The following SPEN variants were observed in gnomAD, a reference collection of about 807,000 sequenced individuals.
SPEN encodes the protein spen family transcriptional repressor.
SPEN carries 18 observed loss-of-function variants against 269.9 expected under a neutral mutation model. That is an observed-to-expected ratio of 0.07 (90% confidence interval 0.05 to 0.10). The LOEUF (loss-of-function observed/expected upper bound fraction) is 0.10, where lower values mean the gene tolerates loss of function less well. SPEN is among the 10% of genes least tolerant of loss of function. The pLI is 1.00. For synonymous variants in SPEN, 1,726 were observed against 1,765.7 expected, an observed-to-expected ratio of 0.98 and a Z score of 0.56; for missense variants, 3,822 against 4,631.2, an observed-to-expected ratio of 0.83 and a Z score of 5.07.
Position 15,907,601 on chromosome 1 carries a change from G to A in SPEN, c.882-1720G>A, listed in dbSNP as rs550250266. The stretch of plus-strand genomic sequence containing the variant: ...CTAGTGCAAAGACAGAAACTACCCT[G>A]GGTCTTTTCCTGTAGCTAGTGTGCT... On this transcript the variant is annotated intron_variant, in intron 3 of 14. Coordinates refer to ENST00000375759, the MANE Select transcript of SPEN (RefSeq NM_015001.3). Among the ~76,000 whole-genome samples the A allele has an allele frequency of 1.6e-3, 250 of 152,260 alleles. 2 individuals are homozygous for A. The highest frequency in any genetic ancestry group is 4.2e-3 in the East Asian group (22 of 5,192).
At chr1:15,879,302 G>C (rs982860344) in intron 3 of SPEN, among the ~76,000 whole-genome samples, 1 of 152,002 alleles carries the variant, frequency 6.6e-6, no homozygotes, top group African/African-American at 2.4e-5. Context: ...GATAGCTAGA[G>C]GAGAATGATG....
Position 15,931,996 on chromosome 1 carries a change from C to G in SPEN, c.5756C>G (p.Pro1919Arg), listed in dbSNP as rs755466184. The G allele has an allele frequency of 8.1e-6, 13 of 1,614,118 alleles. No individual in the cohort carries two copies. Among genetic ancestry groups the G allele is most frequent in the Non-Finnish European group, 1.1e-5 (13 of 1,180,056 alleles). The change falls in exon 11 of 15, where the codon CCT (proline) becomes CGT (arginine). Residue 1919 changes from proline (P) to arginine (R), a missense_variant. Physicochemically the swap from Pro to Arg is moderately radical, Grantham distance 103. Coordinates refer to ENST00000375759, the MANE Select transcript of SPEN (RefSeq NM_015001.3). The surrounding 1 kb of genome is among the most constrained non-coding windows in gnomAD (Gnocchi z 4.8). Reference protein sequence around the residue: ...ATMGDHENRSPVKEPVEQPRV... With the variant: ...ATMGDHENRSRVKEPVEQPRV... ...ATGGGTGACCATGAAAACCGCTCTCCTGTCAAAGAGCCCGTTGAGCAACCA... is the reference window on the plus strand; with the variant it reads ...ATGGGTGACCATGAAAACCGCTCTCGTGTCAAAGAGCCCGTTGAGCAACCA...
Position 15,864,820 on chromosome 1 carries a change from C to G in SPEN, c.84-7996C>G, listed in dbSNP as rs116234436. The stretch of plus-strand genomic sequence containing the variant: ...ACCTCTTGAGTAGCTAGGACTACTA[C>G]TAAGTGCCAACACACCTGGCTAATG... On this transcript the variant is annotated intron_variant, in intron 1 of 14. Coordinates refer to ENST00000375759, the MANE Select transcript of SPEN (RefSeq NM_015001.3). 1.8e-3 allele frequency among the ~76,000 whole-genome samples: 273 copies of G among 148,294 alleles called. 1 individual carries two copies. Among genetic ancestry groups the G allele is most frequent in the African/African-American group, 6.4e-3 (259 of 40,282 alleles).
intron 10 of SPEN, among the ~76,000 whole-genome samples, chr1:15,923,948 G>A (rs1260782246): frequency 1.3e-5 from 2 of 152,166 alleles, no homozygotes; most frequent in Non-Finnish European, 2.9e-5. Context: ...GATTACAGGC[G>A]TGAGCCACCG....
chr1:15,916,074 A>G (rs961081681), intron 5 of SPEN, 54 bp from the exon 6 acceptor site: 14 of 1,546,432 alleles, frequency 9.1e-6, no homozygotes, highest in Non-Finnish European at 1.2e-5. Flanking sequence ...TGATATATAA[A>G]TATGCATTAA....
chr1:15,932,418 G>A lies in SPEN; in HGVS notation c.6178G>A (p.Val2060Ile), dbSNP rs934200458. The A allele has an allele frequency of 1.2e-6, 2 of 1,614,060 alleles. No individual in the cohort carries two copies. The highest frequency in any genetic ancestry group is 4.5e-5 in the East Asian group (2 of 44,864). ...CAAAAACCCCCCTGAAACCGCCCCT[G>A]TTGAAGTTGTAGAGAAAAAACCGGC... ...TDKNPPETAP[V>I]EVVEKKPAPE... is the part of the protein sequence containing the mutation. The change falls in exon 11 of 15, where the codon GTT becomes ATT. Residue 2060 changes from valine (V) to isoleucine (I), a missense_variant. Around this residue, in one of 16 missense-constraint regions of SPEN, gnomAD observed 727 missense variants for 737.9 expected, o/e 0.99. Coordinates refer to ENST00000375759, the MANE Select transcript of SPEN (RefSeq NM_015001.3). This position sits in a 1 kb window ranked among gnomAD's most constrained non-coding sequence, Gnocchi z 4.2.
At position 15,939,158 on chromosome 1, in the gene SPEN, A is replaced by G. The variant is rs569818481; in HGVS notation, c.10864-138A>G. ...ACACCTGCTAGGTCTTCCAGTAGAC[A>G]TAGTCCTGGCACATTTGCTGGTTGG... On this transcript the variant is annotated intron_variant, in intron 14 of 14. Coordinates refer to ENST00000375759, the MANE Select transcript of SPEN (RefSeq NM_015001.3). The surrounding 1 kb of genome is among the most constrained non-coding windows in gnomAD (Gnocchi z 4.1). The G allele has an allele frequency of 4.1e-6, 5 of 1,227,974 alleles. No homozygotes were observed. In the South Asian group the frequency reaches 7.9e-5, roughly 19 times the overall value. 76.1% of individuals were successfully genotyped at this position (1,227,974 alleles called of 1,614,324 possible). A position where few individuals can be genotyped will look rare whatever the true frequency, so the allele number is the denominator to read the frequency against.
chr1:15,902,486 T>C (rs1164719769), intron 3 of SPEN, among the ~76,000 whole-genome samples: 2 of 151,998 alleles, frequency 1.3e-5, no homozygotes, highest in Non-Finnish European at 2.9e-5. Flanking sequence ...GATGTGGAAG[T>C]ATTATTACTT....
At position 15,928,189 on chromosome 1, in the gene SPEN, A is replaced by G. The variant is rs777527531; in HGVS notation, c.1949A>G (p.Tyr650Cys). The G allele has an allele frequency of 9.9e-6, 16 of 1,614,090 alleles. No homozygotes were observed. Among genetic ancestry groups the G allele is most frequent in the East Asian group, 6.7e-5 (3 of 44,902 alleles). Residue 650 changes from tyrosine to cysteine, a missense_variant, in exon 11 of 15, where the codon TAT becomes TGT. By Grantham distance (194) the Tyr-to-Cys change is radical. This residue lies in a region of SPEN where 230 missense variants were observed against 426.1 expected (regional missense o/e 0.54). Transcript: ENST00000375759. The surrounding 1 kb of genome is among the most constrained non-coding windows in gnomAD (Gnocchi z 5.7). ...GTYPEDSRRDYPARGREFYSE... is the reference protein window; with the variant it reads ...GTYPEDSRRDCPARGREFYSE... ...TATCCTGAGGATTCCAGGCGGGACT[A>G]TCCAGCTCGAGGGAGAGAGTTTTAT...
intron 13 of SPEN, 167 bp from the exon 14 acceptor site, chr1:15,938,551 A>G: frequency 1.8e-6 from 1 of 564,764 alleles, no homozygotes; most frequent in Non-Finnish European, 2.9e-6. Context: ...CAGCTTTCTC[A>G]GGTTGAAAAA....
intron 7 of SPEN, among the ~76,000 whole-genome samples, 175 bp downstream of exon 7, chr1:15,919,226 A>G (rs1188317985): frequency 6.6e-6 from 1 of 152,170 alleles, no homozygotes; most frequent in Non-Finnish European, 1.5e-5. Flanking sequence ...TCTGATTAAT[A>G]TTCGATTAGC....
Position 15,937,183 on chromosome 1 carries a change from G to A in SPEN, c.10047G>A (p.Glu3349=). 6 of 1,612,294 alleles carry A rather than the reference G, an allele frequency of 3.7e-6. No individual in the cohort carries two copies. The highest frequency in any genetic ancestry group is 5.1e-6 in the Non-Finnish European group (6 of 1,179,096). The change falls in exon 12 of 15, where the codon GAG becomes GAA. Residue 3349 remains glutamate (E), a synonymous_variant. Coordinates refer to ENST00000375759, the MANE Select transcript of SPEN (RefSeq NM_015001.3). This position sits in a 1 kb window ranked among gnomAD's most constrained non-coding sequence, Gnocchi z 5.7. The part of the protein sequence containing the change: ...TAAQGPPPEG[E]PLQPPQPVQS... The stretch of plus-strand genomic sequence containing the variant: ...ACCAGGGCCCTCCTCCTGAAGGTGA[G>A]CCCCTGCAGCCTCCTCAGCCTGTGC...
intron 1 of SPEN, among the ~76,000 whole-genome samples, chr1:15,857,765 A>G (rs2070402028): frequency 6.6e-6 from 1 of 152,024 alleles, no homozygotes; most frequent in East Asian, 1.9e-4. Context: ...GGCTTGAGGT[A>G]TCCTCCCACC....
At chr1:15,918,489 G>C (rs1246944336) in intron 6 of SPEN, among the ~76,000 whole-genome samples, 1 of 152,240 alleles carries the variant, frequency 6.6e-6, no homozygotes, top group Non-Finnish European at 1.5e-5. Flanking sequence ...AAAGTGCTAG[G>C]ATTACAGGCG....
chr1:15,939,461 C>A lies in SPEN; in HGVS notation c.*34C>A. Reference sequence around the variant, plus strand: ...GTGGTTATCACCTCAGTGAATCTTCCCAGGGCTCTGCAGTAAAAACAAAGG... The same window carrying A: ...GTGGTTATCACCTCAGTGAATCTTCACAGGGCTCTGCAGTAAAAACAAAGG... On this transcript the variant is annotated 3_prime_UTR_variant, in exon 15 of 15. Coordinates refer to ENST00000375759, the MANE Select transcript of SPEN (RefSeq NM_015001.3). This position sits in a 1 kb window ranked among gnomAD's most constrained non-coding sequence, Gnocchi z 4.1. 2 of 1,524,656 alleles carry A rather than the reference C, an allele frequency of 1.3e-6. No individual in the cohort carries two copies. Among genetic ancestry groups the A allele is most frequent in the African/African-American group, 1.4e-5 (1 of 71,276 alleles). The allele number at this position is 1,524,656 out of a possible 1,614,324, so 94.4% of individuals were successfully genotyped here.
chr1:15,932,381 T>G lies in SPEN; in HGVS notation c.6141T>G (p.Asp2047Glu), dbSNP rs754043845. ...AGSEQKRDRK[D>E]AGTDKNPPET... is the part of the protein sequence containing the mutation. ...GTGAACAGAAACGTGACAGAAAAGA[T>G]GCTGGCACAGACAAAAACCCCCCTG... The change falls in exon 11 of 15, where the codon GAT (aspartate) becomes GAG (glutamate). Residue 2047 changes from aspartate to glutamate, a missense_variant. Coordinates refer to ENST00000375759, the MANE Select transcript of SPEN (RefSeq NM_015001.3). This position sits in a 1 kb window ranked among gnomAD's most constrained non-coding sequence, Gnocchi z 4.2. The G allele has an allele frequency of 5.0e-6, 8 of 1,613,908 alleles. No individual in the cohort carries two copies. The highest frequency in any genetic ancestry group is 2.2e-5 in the East Asian group (1 of 44,844).
Position 15,937,597 on chromosome 1 carries a change from T to C in SPEN, c.10461T>C (p.Ser3487=), listed in dbSNP as rs1355496865. The C allele has an allele frequency of 1.9e-6, 3 of 1,614,106 alleles. No individual in the cohort carries two copies. Among genetic ancestry groups the C allele is most frequent in the South Asian group, 2.2e-5 (2 of 91,078 alleles). The part of the protein sequence containing the change: ...EFQPAPKQDS[S]PHLTSQRPVD... ...AGCCAGCCCCCAAACAAGATTCCTC[T>C]CCACACCTGACTTCCCAGAGACCCG... The change falls in exon 12 of 15, where the codon TCT becomes TCC. Residue 3487 remains serine (S), a synonymous_variant. Transcript: ENST00000375759. This position sits in a 1 kb window ranked among gnomAD's most constrained non-coding sequence, Gnocchi z 5.7.
At chr1:15,855,305 T>C (rs1225831606) in intron 1 of SPEN, among the ~76,000 whole-genome samples, 1 of 152,214 alleles carries the variant, frequency 6.6e-6, no homozygotes, top group African/African-American at 2.4e-5. Context: ...TGACTTTGAT[T>C]GTTATATTCC....
intron 3 of SPEN, among the ~76,000 whole-genome samples, chr1:15,905,188 A>G (rs908995327): frequency 1.4e-5 from 2 of 146,210 alleles, no homozygotes; most frequent in African/African-American, 5.1e-5. Flanking sequence ...GCGTCCAGCC[A>G]TCTCCATTTT....
Sources: allele counts gnomAD v4.1 joint callset (sites outside exome capture counted in the v4.1 genomes callset), GRCh38; gene constraint gnomAD v4.1.1; regional missense constraint gnomAD v4.1.1; non-coding constraint Gnocchi (gnomAD v3.1); transcripts MANE v1.5; gene names NCBI Gene and HGNC (gene_info 2026-07-23, HGNC 2026-07-21).